OTOGL: variants seen among roughly 807,000 people sequenced by gnomAD.
OTOGL encodes the protein otogelin-like protein.
OTOGL carries 285 observed loss-of-function variants against 318.5 expected under a neutral mutation model. That is an observed-to-expected ratio of 0.89 (90% CI 0.81 to 0.99). The LOEUF is 0.99. Ranked by LOEUF, OTOGL falls within the 50% of genes least tolerant of loss-of-function variation. OTOGL has a pLI of 0.00. For missense variants in OTOGL, 2,899 were observed against 2,845.6 expected, an observed-to-expected ratio of 1.02 and a Z score of -0.43; for synonymous variants, 987 against 936.5, an observed-to-expected ratio of 1.05 and a Z score of -0.99.
chr12:80,210,848 A>C lies in OTOGL; in HGVS notation c.81A>C (p.Glu27Asp). ...LLHVLLFSLQ[E>D]YICASSILMG... The stretch of plus-strand genomic sequence containing the variant: ...TTCTTATATATTTGTCTCTGGCAGA[A>C]TATATTTGTGCATCGTCTATATTGA... Residue 27 changes from glutamate to aspartate, a missense_variant and splice_region_variant, in exon 3 of 59, where the codon GAA (glutamate) becomes GAC (aspartate). Physicochemically the swap from Glu to Asp is conservative, Grantham distance 45 (BLOSUM62 2). Coordinates refer to ENST00000547103, the MANE Select transcript of OTOGL (RefSeq NM_001378609.3). The C allele has an allele frequency of 6.8e-7, 1 of 1,469,544 alleles. No homozygotes were observed. The highest frequency in any genetic ancestry group is 9.1e-7 in the Non-Finnish European group (1 of 1,103,288). 91.0% of individuals were successfully genotyped at this position (1,469,544 alleles called of 1,614,324 possible).
rs184722555 is a variant in OTOGL at position 80,312,904 on chromosome 12, C to T, written c.3451-572C>T. Among the ~76,000 whole-genome samples the T allele has an allele frequency of 4.7e-3, 722 of 152,178 alleles. 6 individuals are homozygous for T. The highest frequency in any genetic ancestry group is 0.017 in the African/African-American group (686 of 41,514). ...TCAGCTCACTGCAACCTCCGCCTCC[C>T]GGGTTCAAGTGATTCTCCTGCCTCA... On this transcript the variant is annotated intron_variant, in intron 30 of 58. Transcript: ENST00000547103.
Position 80,258,581 on chromosome 12 carries a change from G to A in OTOGL, c.1889+579G>A, listed in dbSNP as rs111402976. On this transcript the variant is annotated intron_variant, in intron 18 of 58. Transcript: ENST00000547103. ...TATTGACCAGGTACTTTTCACCTAC[G>A]TGTGAAAAGAAGCAGTTTATAATTT... Among the ~76,000 whole-genome samples the A allele has an allele frequency of 2.3e-3, 357 of 152,154 alleles. 4 individuals are homozygous for A. The highest frequency in any genetic ancestry group is 8.1e-3 in the African/African-American group (335 of 41,520).
chr12:80,230,463 T>C (rs775039138), intron 8 of OTOGL, among the ~76,000 whole-genome samples: 2 of 152,228 alleles, frequency 1.3e-5, no homozygotes, highest in East Asian at 3.8e-4. Context: ...CATTTAGGAT[T>C]CTCTATATGG....
At chr12:80,312,764 A>T (rs987537599) in intron 30 of OTOGL, among the ~76,000 whole-genome samples, 41 of 152,248 alleles carry the variant, frequency 2.7e-4, no homozygotes, top group African/African-American at 9.2e-4. Context: ...GAACTGACCT[A>T]AAAAATAAAA....
At chr12:80,105,312 A>G (rs1413575690) in intron 1 of OTOGL, among the ~76,000 whole-genome samples, 1 of 152,318 alleles carries the variant, frequency 6.6e-6, no homozygotes, top group East Asian at 1.9e-4. Context: ...ATAAAATGGT[A>G]TGGGTAGAAG....
intron 1 of OTOGL, among the ~76,000 whole-genome samples, chr12:80,112,211 A>T (rs1482549196): frequency 7.2e-5 from 11 of 152,084 alleles, no homozygotes; most frequent in African/African-American, 2.4e-4. Context: ...ATTTGATGTC[A>T]TCTCTTCCTA....
intron 1 of OTOGL, among the ~76,000 whole-genome samples, chr12:80,185,602 T>C (rs1875234941): frequency 6.6e-6 from 1 of 152,176 alleles, no homozygotes; most frequent in Non-Finnish European, 1.5e-5. Context: ...TTAGTGTTAA[T>C]GTCATTGTGT....
At chr12:80,117,687 G>A (rs1343715050) in intron 1 of OTOGL, among the ~76,000 whole-genome samples, 2 of 152,060 alleles carry the variant, frequency 1.3e-5, no homozygotes, top group Non-Finnish European at 1.5e-5. Flanking sequence ...CATTATGTAC[G>A]ACCTAGAAGA....
At chr12:80,284,980 A>T (rs770877338) in intron 26 of OTOGL, among the ~76,000 whole-genome samples, 27 of 152,098 alleles carry the variant, frequency 1.8e-4, no homozygotes, top group Non-Finnish European at 3.1e-4. Flanking sequence ...GGTATTACCT[A>T]GGTTTTTTTC....
intron 23 of OTOGL, 112 bp from the exon 24 acceptor site, chr12:80,271,536 T>A: frequency 9.5e-7 from 1 of 1,049,934 alleles, no homozygotes; most frequent in Non-Finnish European, 1.3e-6. Flanking sequence ...GCAGCTAACA[T>A]TCTCAAACTC....
rs1446376373 is a variant in OTOGL, at chr12:80,161,297, G to A, written c.-19-48116G>A. Among the ~76,000 whole-genome samples, 5 of 151,892 alleles carry A rather than the reference G, an allele frequency of 3.3e-5. No individual in the cohort carries two copies. In the East Asian group the frequency reaches 7.7e-4, roughly 23 times the overall value. On this transcript the variant is annotated intron_variant, in intron 1 of 58. Transcript: ENST00000547103. ...GTAGAAAAAGGGAAAAATGAGAGAC[G>A]TGGAAAAACTGTAACTAGGAGGAGG...
intron 44 of OTOGL, among the ~76,000 whole-genome samples, chr12:80,351,573 C>T (rs1276162856): frequency 6.6e-6 from 1 of 152,052 alleles, no homozygotes; most frequent in Non-Finnish European, 1.5e-5. Context: ...CTCAGCCTCC[C>T]AAGCCATTGG....
chr12:80,265,439 G>A (rs917905807), intron 20 of OTOGL: 7 of 532,264 alleles, frequency 1.3e-5, no homozygotes, highest in Non-Finnish European at 2.3e-5. Flanking sequence ...CGAAATTATT[G>A]TAACTATGTT....
intron 35 of OTOGL, among the ~76,000 whole-genome samples, chr12:80,327,252 C>T (rs947826512): frequency 1.3e-5 from 2 of 152,088 alleles, no homozygotes; most frequent in African/African-American, 2.4e-5. Flanking sequence ...CTCATGTTCC[C>T]TCCTGTCTTT....
At chr12:80,194,316 C>G (rs1232165226) in intron 1 of OTOGL, among the ~76,000 whole-genome samples, 1 of 152,106 alleles carries the variant, frequency 6.6e-6, no homozygotes, top group East Asian at 1.9e-4. Flanking sequence ...CTCCAATAAC[C>G]CAATAATTCC....
At chr12:80,323,097 T>TACACACACACACACACAC (rs200949284) in intron 34 of OTOGL, among the ~76,000 whole-genome samples, 2 of 127,056 alleles carry the variant, frequency 1.6e-5, no homozygotes, top group African/African-American at 5.5e-5. Flanking sequence ...GAAAACCCAC[T>TACACACACACACACACAC]ACACACACAC....
intron 1 of OTOGL, among the ~76,000 whole-genome samples, chr12:80,125,659 A>G (rs927811072): frequency 6.6e-6 from 1 of 152,128 alleles, no homozygotes; most frequent in Non-Finnish European, 1.5e-5. Flanking sequence ...CTGTGAATCC[A>G]TCTGGTCCTG....
chr12:80,320,506 T>C lies in OTOGL; in HGVS notation c.3887T>C (p.Leu1296Pro), dbSNP rs143621026. ...GACAATGATACTCTTAGCTTGGAGCTGTGGGAGGCGAATTCAGCCTTTCAT... is the reference window on the plus strand; with the variant it reads ...GACAATGATACTCTTAGCTTGGAGCCGTGGGAGGCGAATTCAGCCTTTCAT... ...VHDNDTLSLE[L>P]WEANSAFHRR... Residue 1296 changes from leucine (L) to proline (P), a missense_variant, in exon 34 of 59, where the codon CTG becomes CCG. Around this residue, in one of 3 missense-constraint regions of OTOGL, gnomAD observed 2,607 missense variants for 2,524.9 expected, o/e 1.03. Transcript: ENST00000547103. The C allele has an allele frequency of 6.2e-7, 1 of 1,613,670 alleles. No individual in the cohort carries two copies. Among genetic ancestry groups the C allele is most frequent in the Non-Finnish European group, 8.5e-7 (1 of 1,179,742 alleles).
chr12:80,196,892 G>C (rs566713741), intron 1 of OTOGL, among the ~76,000 whole-genome samples: 4 of 152,268 alleles, frequency 2.6e-5, no homozygotes, highest in East Asian at 3.9e-4. Context: ...TGAGGGGAAG[G>C]GGGTGGTCGG....
Sources: gnomAD v4.1 joint callset for allele counts (sites outside exome capture counted in the v4.1 genomes callset) on GRCh38, gnomAD v4.1.1 for gene constraint, gnomAD v4.1.1 regional missense constraint, MANE v1.5 for transcripts, NCBI Gene and HGNC (gene_info 2026-07-23, HGNC 2026-07-21) for gene names.